The following CHLSN variants were observed in gnomAD, a reference collection of about 807,000 sequenced individuals.
CHLSN encodes the protein cholesin, also known as protein cholesin.
At chr7:1,095,962 G>A in the CHLSN span, among the ~76,000 whole-genome samples, 1 of 152,226 alleles carries the variant, frequency 6.6e-6, no homozygotes, top group Non-Finnish European at 1.5e-5. Context: ...CGGCAGCGGG[G>A]AGGGCTCCCT....
chr7:1,107,074 C>T, the CHLSN span, among the ~76,000 whole-genome samples: 485 of 152,308 alleles, frequency 3.2e-3, 6 homozygotes, highest in Non-Finnish European at 3.4e-3. Flanking sequence ...AGACTCGACT[C>T]CGGGAAGGAA....
the CHLSN span, among the ~76,000 whole-genome samples, chr7:1,071,766 A>G: frequency 9.2e-5 from 14 of 152,228 alleles, no homozygotes; most frequent in Admixed American, 2.6e-4. Flanking sequence ...TGTCACCAGC[A>G]TGGGACAAGG....
the CHLSN span, chr7:1,028,506 T>A: frequency 1.0e-6 from 1 of 984,472 alleles, no homozygotes; most frequent in Non-Finnish European, 1.2e-6. Flanking sequence ...AAGGCGGGGG[T>A]GGACCCTGCT....
At chr7:1,022,657 G>A in the CHLSN span, among the ~76,000 whole-genome samples, 2 of 151,996 alleles carry the variant, frequency 1.3e-5, no homozygotes, top group African/African-American at 4.8e-5. Context: ...GCATCGATGT[G>A]GTCTTCTTAA....
the CHLSN span, among the ~76,000 whole-genome samples, chr7:1,105,786 C>G: frequency 6.6e-6 from 1 of 152,142 alleles, no homozygotes. Flanking sequence ...TAACATTTCT[C>G]TTTCTAAATG....
the CHLSN span, among the ~76,000 whole-genome samples, chr7:1,038,529 TG>T: frequency 2.5e-5 from 2 of 79,876 alleles, no homozygotes; most frequent in African/African-American, 1.0e-4. Flanking sequence ...GGGAGGGAGG[TG>T]GGGGGGTCAG....
chr7:1,008,531 C>G, the CHLSN span, among the ~76,000 whole-genome samples: 1 of 152,160 alleles, frequency 6.6e-6, no homozygotes, highest in East Asian at 1.9e-4. Context: ...GTGCAGAGAC[C>G]CATGATGACT....
the CHLSN span, among the ~76,000 whole-genome samples, chr7:1,053,894 A>G: frequency 6.6e-6 from 1 of 152,360 alleles, no homozygotes; most frequent in Non-Finnish European, 1.5e-5. Flanking sequence ...CATGGCTAAC[A>G]GCCTGCAGGC....
the CHLSN span, among the ~76,000 whole-genome samples, chr7:991,830 C>G: frequency 6.6e-6 from 1 of 152,236 alleles, no homozygotes; most frequent in Admixed American, 6.5e-5. Flanking sequence ...GGCTGAAGCC[C>G]TGCTTGCGTT....
At chr7:994,175 TCAGA>T in the CHLSN span, among the ~76,000 whole-genome samples, 19 of 152,294 alleles carry the variant, frequency 1.2e-4, no homozygotes, top group Admixed American at 5.2e-4. Flanking sequence ...ATTTATTTTT[TCAGA>T]CAGAGTCTCG....
the CHLSN span, among the ~76,000 whole-genome samples, chr7:1,018,275 GGTAACCCATATAAAAA>G: frequency 8.5e-5 from 13 of 152,062 alleles, no homozygotes; most frequent in African/African-American, 3.1e-4. Context: ...CCCTTCAACA[GGTAACCCATATAAAAA>G]GTGACTAACG....
the CHLSN span, among the ~76,000 whole-genome samples, chr7:1,073,636 G>A: frequency 1.3e-4 from 19 of 151,904 alleles, no homozygotes; most frequent in South Asian, 2.1e-4. Flanking sequence ...GTTCAAAGCC[G>A]CCACTGCCGT....
At chr7:985,106 AG>A in the CHLSN span, 12 of 1,611,192 alleles carry the variant, frequency 7.4e-6, no homozygotes, top group East Asian at 8.9e-5. Context: ...AGAGGTGAGC[AG>A]GGGGCCGGGG....
At chr7:990,697 A>G in the CHLSN span, among the ~76,000 whole-genome samples, 21 of 152,050 alleles carry the variant, frequency 1.4e-4, no homozygotes, top group African/African-American at 4.8e-4. Context: ...CCGCTCACCT[A>G]TTTCTGGGGA....
the CHLSN span, among the ~76,000 whole-genome samples, chr7:1,035,910 G>C: frequency 2.6e-5 from 4 of 152,200 alleles, no homozygotes; most frequent in Non-Finnish European, 5.9e-5. Flanking sequence ...TAGGGGACTG[G>C]ATAACTGTAG....
At chr7:1,093,415 G>A in the CHLSN span, 4 of 460,272 alleles carry the variant, frequency 8.7e-6, no homozygotes, top group East Asian at 2.1e-4. Flanking sequence ...TGCTGCTCTG[G>A]TGCACGCCTG....
the CHLSN span, chr7:1,082,050 A>G: frequency 6.6e-6 from 1 of 152,222 alleles, no homozygotes; most frequent in African/African-American, 2.4e-5. Flanking sequence ...GCACTCCCAC[A>G]CAAAGCGCCT....
At chr7:1,056,377 C>T in the CHLSN span, 17,489 of 152,604 alleles carry the variant, frequency 0.11, 1,232 homozygotes, top group Middle Eastern at 0.26. Flanking sequence ...CTGACCCTCA[C>T]TGCGGCTGCT....
chr7:1,138,173 C>G, the CHLSN span: 1 of 152,100 alleles, frequency 6.6e-6, no homozygotes, highest in Admixed American at 6.6e-5. Flanking sequence ...ACCCCGCCGC[C>G]GCCCCACGCG....
Sources: gnomAD v4.1 joint callset for allele counts (sites outside exome capture counted in the v4.1 genomes callset) on GRCh38, gnomAD v4.1.1 for gene constraint, MANE v1.5 for transcripts, NCBI Gene and HGNC (gene_info 2026-07-23, HGNC 2026-07-21) for gene names.